FBH1: variants seen among roughly 807,000 people sequenced by gnomAD.
The protein encoded by FBH1 is DNA 3'-5' helicase 1.
In FBH1, 43 loss-of-function variants were observed where a neutral mutation model predicts 115.5. The ratio of observed to expected loss-of-function variants is 0.37; its 90% CI spans 0.29 to 0.48. The LOEUF is 0.48. FBH1 is among the 20% of genes least tolerant of loss of function. The probability of loss-of-function intolerance (pLI) is 0.99; values close to 1 mark genes in which losing one functional copy is unlikely to be tolerated. For synonymous variants in FBH1, 524 were observed against 507.8 expected, an observed-to-expected ratio of 1.03 and a Z score of -0.43; for missense variants, 1,001 against 1,337.3, an observed-to-expected ratio of 0.75 and a Z score of 3.92.
At position 5,909,862 on chromosome 10, in the gene FBH1, C is replaced by G. The variant is rs1257702288; in HGVS notation, c.1020+568C>G. 6.6e-6 allele frequency among the ~76,000 whole-genome samples: 1 copy of G among 152,216 alleles called. No homozygotes were observed. The highest frequency in any genetic ancestry group is 6.5e-5 in the Admixed American group (1 of 15,288). The stretch of plus-strand genomic sequence containing the variant: ...AACCCAGGCAACTGCATTTCTGTTT[C>G]TCTTGAAGAAGATGATTGCTGATGG... On this transcript the variant is annotated intron_variant, in intron 5 of 20. Coordinates refer to ENST00000362091, the MANE Select transcript of FBH1 (RefSeq NM_178150.3). This position sits in a 1 kb window ranked among gnomAD's most constrained non-coding sequence, Gnocchi z 4.4.
chr10:5,913,888 C>T lies in FBH1; in HGVS notation c.1304+49C>T. The T allele has an allele frequency of 7.2e-7, 1 of 1,380,918 alleles. No homozygotes were observed. Among genetic ancestry groups the T allele is most frequent in the Admixed American group, 2.1e-5 (1 of 48,748 alleles). 85.5% of individuals were successfully genotyped at this position (1,380,918 alleles called of 1,614,324 possible). A position where few individuals can be genotyped will look rare whatever the true frequency, so the allele number is the denominator to read the frequency against. ...TGTGTTTTGTCTTCTGTCGACTCTTCCTCATACTTAAGGAGGGAGATGTTT... is the reference window on the plus strand; with the variant it reads ...TGTGTTTTGTCTTCTGTCGACTCTTTCTCATACTTAAGGAGGGAGATGTTT... On this transcript the variant is annotated intron_variant, in intron 7 of 20. Transcript: ENST00000362091. The surrounding 1 kb of genome is among the most constrained non-coding windows in gnomAD (Gnocchi z 4.4).
In FBH1 at chr10:5,918,630, C is replaced by G. The variant is rs1377351328; in HGVS notation, c.2100+152C>G. On this transcript the variant is annotated intron_variant, in intron 13 of 20. Coordinates refer to ENST00000362091, the MANE Select transcript of FBH1 (RefSeq NM_178150.3). The surrounding 1 kb of genome is among the most constrained non-coding windows in gnomAD (Gnocchi z 4.0). Reference sequence around the variant, plus strand: ...CAAAGTGTGGTTCTCAGGGGTCTGCCAAGTCACACTGTTTTCATAAGAGGT... The same window carrying G: ...CAAAGTGTGGTTCTCAGGGGTCTGCGAAGTCACACTGTTTTCATAAGAGGT... 7.9e-6 allele frequency: 8 copies of G among 1,017,824 alleles called. No homozygotes were observed. Among genetic ancestry groups the G allele is most frequent in the Non-Finnish European group, 1.1e-5 (8 of 742,844 alleles). The allele number at this position is 1,017,824 out of a possible 1,614,324, so 63.0% of individuals were successfully genotyped here.
At chr10:5,916,208 C>T in intron 9 of FBH1, 26 bp from the exon 10 acceptor site, 1 of 1,601,926 alleles carries the variant, frequency 6.2e-7, no homozygotes, top group Non-Finnish European at 8.6e-7. Context: ...GAGCCACGTG[C>T]TGTTCATTTG....
Position 5,924,057 on chromosome 10 carries a change from T to C in FBH1, c.2399-254T>C. ...TTTTCTTTTCCTGTTGACTGCACTA[T>C]TTCAAATCCCTGTGAAGTAGGTGAG... On this transcript the variant is annotated intron_variant, in intron 16 of 20. Transcript: ENST00000362091. The surrounding 1 kb of genome is among the most constrained non-coding windows in gnomAD (Gnocchi z 6.2). 1 of 581,312 alleles carries C rather than the reference T, an allele frequency of 1.7e-6. No homozygotes were observed. 36.0% of individuals were successfully genotyped at this position (581,312 alleles called of 1,614,324 possible). A position where few individuals can be genotyped will look rare whatever the true frequency, so the allele number is the denominator to read the frequency against.
Position 5,925,634 on chromosome 10 carries a change from C to A in FBH1, c.2722+142C>A. On this transcript the variant is annotated intron_variant, in intron 18 of 20. Coordinates refer to ENST00000362091, the MANE Select transcript of FBH1 (RefSeq NM_178150.3). The surrounding 1 kb of genome is among the most constrained non-coding windows in gnomAD (Gnocchi z 4.6). ...CTGGAAAAACTAAACCACAAAACAC[C>A]TCCTAGTCCTAAACTTTTGATTCTT... The A allele has an allele frequency of 1.7e-6, 2 of 1,211,334 alleles. No homozygotes were observed. Among genetic ancestry groups the A allele is most frequent in the South Asian group, 1.5e-5 (1 of 66,892 alleles). 75.0% of individuals were successfully genotyped at this position (1,211,334 alleles called of 1,614,324 possible). A position where few individuals can be genotyped will look rare whatever the true frequency, so the allele number is the denominator to read the frequency against.
Position 5,923,728 on chromosome 10 carries a change from A to G in FBH1, c.2398+32A>G. 1.3e-6 allele frequency: 2 copies of G among 1,581,160 alleles called. No individual in the cohort carries two copies. Among genetic ancestry groups the G allele is most frequent in the Non-Finnish European group, 1.7e-6 (2 of 1,152,750 alleles). ...ACCCACCTGGCCTTGGTGCATTGGAAGGACGCACCCAAGTGACAGGGACGA... is the reference window on the plus strand; with the variant it reads ...ACCCACCTGGCCTTGGTGCATTGGAGGGACGCACCCAAGTGACAGGGACGA... On this transcript the variant is annotated intron_variant, in intron 16 of 20. Coordinates refer to ENST00000362091, the MANE Select transcript of FBH1 (RefSeq NM_178150.3). This position sits in a 1 kb window ranked among gnomAD's most constrained non-coding sequence, Gnocchi z 5.7.
chr10:5,893,166 T>C (rs557673944), intron 1 of FBH1, among the ~76,000 whole-genome samples: 1 of 152,238 alleles, frequency 6.6e-6, no homozygotes, highest in African/African-American at 2.4e-5. Context: ...ATTAGCTGGC[T>C]GTGGCGGTGT....
chr10:5,903,628 C>T (rs1340880422), intron 2 of FBH1, among the ~76,000 whole-genome samples: 2 of 152,004 alleles, frequency 1.3e-5, no homozygotes, highest in Non-Finnish European at 2.9e-5. Context: ...CGCGCCCCGC[C>T]GAGTTTTCCA....
rs762032684 is a variant in FBH1, at chr10:5,924,396, C to A, written c.2484C>A (p.Ala828=). ...FSGFKRYVTA[A]EDKELEAKIA... ...GCTTCAAGAGGTATGTGACCGCTGC[C>A]GAGGACAAGGAGCTTGAAGCCAAGA... The change falls in exon 17 of 21, where the codon GCC becomes GCA. Residue 828 remains alanine, a synonymous_variant. Coordinates refer to ENST00000362091, the MANE Select transcript of FBH1 (RefSeq NM_178150.3). This position sits in a 1 kb window ranked among gnomAD's most constrained non-coding sequence, Gnocchi z 6.2. The A allele has an allele frequency of 1.2e-6, 2 of 1,614,102 alleles. No homozygotes were observed. The highest frequency in any genetic ancestry group is 1.7e-6 in the Non-Finnish European group (2 of 1,180,012).
chr10:5,890,826 G>A (rs182073321), intron 1 of FBH1, among the ~76,000 whole-genome samples: 1 of 152,326 alleles, frequency 6.6e-6, no homozygotes, highest in East Asian at 1.9e-4. Context: ...CCTGGCGCTG[G>A]TGGAGGGCAC....
intron 10 of FBH1, among the ~76,000 whole-genome samples, chr10:5,916,804 G>A (rs1831992666): frequency 6.6e-6 from 1 of 152,182 alleles, no homozygotes; most frequent in South Asian, 2.1e-4. Context: ...GTTGAAGGTG[G>A]GAGGGTGAGG....
At chr10:5,930,367 C>T (rs1832898547) in intron 19 of FBH1, among the ~76,000 whole-genome samples, 1 of 152,228 alleles carries the variant, frequency 6.6e-6, no homozygotes, top group African/African-American at 2.4e-5. Context: ...CTGCTTTTCC[C>T]ATGCTCTTGT....
At chr10:5,891,196 G>A (rs1703584727) in intron 1 of FBH1, 1 of 985,510 alleles carries the variant, frequency 1.0e-6, no homozygotes, top group Admixed American at 6.1e-5. Flanking sequence ...AAAATGAGCG[G>A]AGATAAATGA....
chr10:5,891,589 C>G (rs1251953608), intron 1 of FBH1, among the ~76,000 whole-genome samples: 5 of 152,122 alleles, frequency 3.3e-5, no homozygotes, highest in Non-Finnish European at 7.4e-5. Context: ...AATTGGGACA[C>G]ACGGGTTCAC....
In FBH1 at chr10:5,909,507, A is replaced by G. The variant is rs1831425122; in HGVS notation, c.1020+213A>G. ...TCTTAGATGTAGATGAAATTTTAAC[A>G]AATCATTTAGTCTGATTTCCCATTT... On this transcript the variant is annotated intron_variant, in intron 5 of 20. Coordinates refer to ENST00000362091, the MANE Select transcript of FBH1 (RefSeq NM_178150.3). The surrounding 1 kb of genome is among the most constrained non-coding windows in gnomAD (Gnocchi z 4.4). The G allele has an allele frequency of 3.9e-6, 2 of 514,628 alleles. No homozygotes were observed. Among genetic ancestry groups the G allele is most frequent in the Admixed American group, 7.5e-5 (2 of 26,638 alleles). The allele number at this position is 514,628 out of a possible 1,614,324, so 31.9% of individuals were successfully genotyped here. A position where few individuals can be genotyped will look rare whatever the true frequency, so the allele number is the denominator to read the frequency against.
chr10:5,922,099 G>A (rs1404828430), intron 15 of FBH1, among the ~76,000 whole-genome samples: 4 of 152,164 alleles, frequency 2.6e-5, no homozygotes, highest in African/African-American at 9.7e-5. Context: ...CTGAAGCACA[G>A]TTATATGATA....
At position 5,911,092 on chromosome 10, in the gene FBH1, A is replaced by G. The variant is rs1831559920; in HGVS notation, c.1175A>G (p.Tyr392Cys). ...ETLYCIAVLL[Y>C]AMREKGINIS... ...CTGTACTGCATAGCCGTGCTTCTCTACGCCATGAGGGAGAAGGGGATTAAC... is the reference window on the plus strand; with the variant it reads ...CTGTACTGCATAGCCGTGCTTCTCTGCGCCATGAGGGAGAAGGGGATTAAC... Residue 392 changes from tyrosine to cysteine, a missense_variant, in exon 6 of 21, where the codon TAC becomes TGC. This residue lies in a region of FBH1 where 59 missense variants were observed against 79.7 expected (regional missense o/e 0.74). Coordinates refer to ENST00000362091, the MANE Select transcript of FBH1 (RefSeq NM_178150.3). This position sits in a 1 kb window ranked among gnomAD's most constrained non-coding sequence, Gnocchi z 5.4. 1.2e-6 allele frequency: 2 copies of G among 1,613,262 alleles called. No homozygotes were observed. The highest frequency in any genetic ancestry group is 1.7e-6 in the Non-Finnish European group (2 of 1,179,884).
Position 5,927,524 on chromosome 10 carries a change from A to G in FBH1, c.2812A>G (p.Ile938Val). 1 of 1,613,170 alleles carries G rather than the reference A, an allele frequency of 6.2e-7. No individual in the cohort carries two copies. Among genetic ancestry groups the G allele is most frequent in the Non-Finnish European group, 8.5e-7 (1 of 1,179,762 alleles). Residue 938 changes from isoleucine to valine, a missense_variant, in exon 19 of 21, where the codon ATT becomes GTT. Around this residue, in one of 4 missense-constraint regions of FBH1, gnomAD observed 521 missense variants for 811.0 expected, o/e 0.64. Coordinates refer to ENST00000362091, the MANE Select transcript of FBH1 (RefSeq NM_178150.3). ...CATCATGACCAAATCATTGGAAAAC[A>G]TTTTGACTTTGGCTGGGGTAAGCAG... ...RLIMTKSLEN[I>V]LTLAGEYFLQ... is the part of the protein sequence containing the mutation.
At chr10:5,908,863 A>G in intron 3 of FBH1, 62 bp from the exon 4 acceptor site, 4 of 1,590,656 alleles carry the variant, frequency 2.5e-6, no homozygotes, top group East Asian at 2.2e-5. Context: ...TGCCCGCCTC[A>G]TTAATCTGCT....
Sources: gnomAD v4.1 joint callset for allele counts (sites outside exome capture counted in the v4.1 genomes callset) on GRCh38, gnomAD v4.1.1 for gene constraint, gnomAD v4.1.1 regional missense constraint, Gnocchi (gnomAD v3.1) non-coding constraint, MANE v1.5 for transcripts, NCBI Gene and HGNC (gene_info 2026-07-23, HGNC 2026-07-21) for gene names.